The following SLC4A4 variants were observed in gnomAD, a reference collection of about 807,000 sequenced individuals.
SLC4A4 encodes electrogenic sodium bicarbonate cotransporter 1.
In SLC4A4, 27 loss-of-function variants were observed where a neutral mutation model predicts 111.5. That is an observed-to-expected ratio of 0.24 (90% CI 0.18 to 0.33). The LOEUF is 0.33. Ranked by LOEUF, SLC4A4 falls within the 10% of genes least tolerant of loss-of-function variation. The pLI is 1.00. For missense variants in SLC4A4, 909 were observed against 1,315.5 expected (o/e 0.69, Z 4.78); for synonymous variants, 443 against 463.4 (o/e 0.96, Z 0.57).
At chr4:71,482,798 C>T (rs1459520942) in intron 14 of SLC4A4, among the ~76,000 whole-genome samples, 1 of 151,530 alleles carries the variant, frequency 6.6e-6, no homozygotes, top group African/African-American at 2.4e-5. Context: ...ACTATCTCAT[C>T]TTGAATTCTG....
chr4:71,276,193 G>GAGAT (rs779895862), intron 3 of SLC4A4, among the ~76,000 whole-genome samples: 1 of 152,158 alleles, frequency 6.6e-6, no homozygotes, highest in Non-Finnish European at 1.5e-5. Context: ...GAAGTTGTGA[G>GAGAT]AGATAGTACA....
intron 13 of SLC4A4, among the ~76,000 whole-genome samples, chr4:71,470,745 A>AG (rs948152161): frequency 5.3e-5 from 8 of 152,058 alleles, no homozygotes; most frequent in Non-Finnish European, 8.8e-5. Context: ...CTGGAGACCC[A>AG]GGGGAGCCAA....
At chr4:71,123,935 C>T (rs1440475653) in intron 2 of SLC4A4, among the ~76,000 whole-genome samples, 1 of 152,192 alleles carries the variant, frequency 6.6e-6, no homozygotes, top group African/African-American at 2.4e-5. Flanking sequence ...TTGATGCTTA[C>T]TTCTGGCAGT....
chr4:71,289,337 G>A (rs1289654288), intron 3 of SLC4A4, among the ~76,000 whole-genome samples: 1 of 152,124 alleles, frequency 6.6e-6, no homozygotes, highest in Non-Finnish European at 1.5e-5. Flanking sequence ...ATCAGATTTG[G>A]ATATAGAATT....
At chr4:71,271,935 A>AG (rs1164443600) in intron 3 of SLC4A4, among the ~76,000 whole-genome samples, 2 of 152,226 alleles carry the variant, frequency 1.3e-5, no homozygotes, top group African/African-American at 4.8e-5. Context: ...TTTAATGATA[A>AG]GGAAACTCAT....
Position 71,419,495 on chromosome 4 carries a change from G to T in SLC4A4, c.808-21121G>T, listed in dbSNP as rs186873456. On this transcript the variant is annotated intron_variant, in intron 7 of 25. Transcript: ENST00000264485. ...AGACTCCGTGGGCGTAGGACCCTCCGAGCCAGGTGCGGGATATAATCTCCT... is the reference window on the plus strand; with the variant it reads ...AGACTCCGTGGGCGTAGGACCCTCCTAGCCAGGTGCGGGATATAATCTCCT... Among the ~76,000 whole-genome samples, 11 of 152,338 alleles carry T rather than the reference G, an allele frequency of 7.2e-5. No individual in the cohort carries two copies. In the South Asian group the frequency reaches 1.2e-3, roughly 17 times the overall value.
chr4:71,501,094 A>T (rs560909229), intron 16 of SLC4A4, among the ~76,000 whole-genome samples: 2 of 152,176 alleles, frequency 1.3e-5, no homozygotes, highest in Admixed American at 6.5e-5. Context: ...TGAATACAGG[A>T]TATCTTTCCA....
intron 3 of SLC4A4, among the ~76,000 whole-genome samples, chr4:71,335,842 C>G (rs1177476587): frequency 6.6e-6 from 1 of 151,596 alleles, no homozygotes; most frequent in East Asian, 1.9e-4. Context: ...AAAAAAATTT[C>G]TAATCACAAA....
chr4:71,207,823 T>C (rs1345226445), intron 1 of SLC4A4, among the ~76,000 whole-genome samples: 2 of 152,212 alleles, frequency 1.3e-5, no homozygotes, highest in Non-Finnish European at 2.9e-5. Flanking sequence ...TCCTCCTTTT[T>C]CTTCGGGGAG....
At chr4:71,373,800 G>T (rs943391744) in intron 6 of SLC4A4, among the ~76,000 whole-genome samples, 4 of 152,146 alleles carry the variant, frequency 2.6e-5, no homozygotes, top group Admixed American at 2.6e-4. Context: ...GAAGTGGAAA[G>T]GAGGGGATAA....
intron 1 of SLC4A4, among the ~76,000 whole-genome samples, chr4:71,210,458 T>A (rs1718066558): frequency 6.6e-6 from 1 of 152,186 alleles, no homozygotes; most frequent in Non-Finnish European, 1.5e-5. Flanking sequence ...TGAGAAACTT[T>A]AGTTTGTGGG....
chr4:71,136,439 C>T (rs146951307), intron 2 of SLC4A4, among the ~76,000 whole-genome samples: 3 of 152,268 alleles, frequency 2.0e-5, no homozygotes, highest in South Asian at 4.1e-4. Context: ...CTTTAGTGAC[C>T]ACTGAAGAGT....
At chr4:71,533,934 A>G (rs140944291) in intron 17 of SLC4A4, among the ~76,000 whole-genome samples, 1,951 of 152,124 alleles carry the variant, frequency 0.013, 52 homozygotes, top group African/African-American at 0.045. Flanking sequence ...AACTTAAATC[A>G]GTTTCTTCCA....
At chr4:71,418,484 T>A (rs928550538) in intron 7 of SLC4A4, among the ~76,000 whole-genome samples, 1 of 152,230 alleles carries the variant, frequency 6.6e-6, no homozygotes, top group South Asian at 2.1e-4. Context: ...AACTATTAAG[T>A]TCCGAAAACA....
chr4:71,507,848 A>G (rs183954107), intron 16 of SLC4A4, among the ~76,000 whole-genome samples: 1 of 152,296 alleles, frequency 6.6e-6, no homozygotes, highest in Admixed American at 6.5e-5. Context: ...CGGAAGTTAA[A>G]CACTCTTCAG....
At chr4:71,314,625 G>C (rs1478924152) in intron 3 of SLC4A4, among the ~76,000 whole-genome samples, 2 of 152,172 alleles carry the variant, frequency 1.3e-5, no homozygotes, top group Non-Finnish European at 2.9e-5. Context: ...CAGAGACATG[G>C]ATGAAGCTGG....
chr4:71,377,177 T>G (rs1442826101), intron 6 of SLC4A4, among the ~76,000 whole-genome samples: 1 of 152,232 alleles, frequency 6.6e-6, no homozygotes, highest in Admixed American at 6.5e-5. Flanking sequence ...AATATTTAAT[T>G]GTGTAAAGGT....
In SLC4A4 at chr4:71,540,999, G is replaced by T. The variant is rs35172216; in HGVS notation, c.2443-5351G>T. On this transcript the variant is annotated intron_variant, in intron 18 of 25. Transcript: ENST00000264485. ...ATTGACAGTTGGAAATTTTTTTGTTGGTGGTAGCTTTCCTGTGCATTGTAG... is the reference window on the plus strand; with the variant it reads ...ATTGACAGTTGGAAATTTTTTTGTTTGTGGTAGCTTTCCTGTGCATTGTAG... 7.1e-3 allele frequency among the ~76,000 whole-genome samples: 1,080 copies of T among 152,132 alleles called. 2 individuals carry two copies. The highest frequency in any genetic ancestry group is 0.016 in the South Asian group (76 of 4,818).
chr4:71,485,886 C>T (rs1729344792), intron 14 of SLC4A4, among the ~76,000 whole-genome samples: 1 of 151,340 alleles, frequency 6.6e-6, no homozygotes, highest in Admixed American at 6.6e-5. Flanking sequence ...TAGGGAAAAA[C>T]AGTGAATGAG....
Sources: allele counts gnomAD v4.1 joint callset (sites outside exome capture counted in the v4.1 genomes callset), GRCh38; gene constraint gnomAD v4.1.1; transcripts MANE v1.5; gene names NCBI Gene and HGNC (gene_info 2026-07-23, HGNC 2026-07-21).